The following CLVS1 variants were observed in gnomAD, a reference collection of about 807,000 sequenced individuals.
CLVS1 encodes clavesin 1.
A neutral mutation model predicts 33.1 loss-of-function variants in CLVS1; 10 were observed. That is an observed-to-expected ratio of 0.30 (90% CI 0.19 to 0.51). The LOEUF is 0.51. Among genes scored for constraint, CLVS1 ranks in the 20% least tolerant of loss-of-function variants. The pLI, the probability that CLVS1 is intolerant of heterozygous loss-of-function variation, is 0.97. For synonymous variants in CLVS1, 163 were observed against 166.1 expected (o/e 0.98, Z 0.14); for missense variants, 343 against 433.4 (o/e 0.79, Z 1.85).
intron 3 of CLVS1, among the ~76,000 whole-genome samples, chr8:61,448,864 T>C (rs1036794897): frequency 2.6e-5 from 4 of 152,248 alleles, no homozygotes; most frequent in Non-Finnish European, 5.9e-5. Flanking sequence ...TTAAAATCTT[T>C]GTCAGATAAT....
At chr8:60,978,742 G>A in the CLVS1 span, among the ~76,000 whole-genome samples, 3 of 145,698 alleles carry the variant, frequency 2.1e-5, no homozygotes, top group Admixed American at 2.1e-4. Context: ...TTGAACACGG[G>A]AGGTGGAGGT....
intron 1 of CLVS1, among the ~76,000 whole-genome samples, chr8:61,104,220 C>T (rs928396523): frequency 6.6e-6 from 1 of 152,126 alleles, no homozygotes. Flanking sequence ...GAATGAAAAC[C>T]TGAGCTACAG....
chr8:61,349,221 G>A (rs1812349529), intron 2 of CLVS1, among the ~76,000 whole-genome samples: 1 of 150,642 alleles, frequency 6.6e-6, no homozygotes. Context: ...TTTAGTTTGA[G>A]ATAATAGCAC....
intron 2 of CLVS1, among the ~76,000 whole-genome samples, chr8:61,236,477 A>C (rs558466107): frequency 6.6e-6 from 1 of 152,174 alleles, no homozygotes; most frequent in Non-Finnish European, 1.5e-5. Flanking sequence ...GACATTTCTG[A>C]GACAGTCTGT....
intron 2 of CLVS1, among the ~76,000 whole-genome samples, chr8:61,221,108 A>G (rs2129309672): frequency 6.6e-6 from 1 of 152,354 alleles, no homozygotes; most frequent in Middle Eastern, 3.4e-3. Context: ...TTTTCTAAAT[A>G]TAAAATCATG....
chr8:61,447,872 G>A (rs1816813723), intron 3 of CLVS1, among the ~76,000 whole-genome samples: 1 of 151,992 alleles, frequency 6.6e-6, no homozygotes, highest in Admixed American at 6.6e-5. Flanking sequence ...TTTCCTTTCT[G>A]TTTGTGGAAA....
chr8:61,056,907 G>A (rs575161266), upstream of CLVS1, among the ~76,000 whole-genome samples: 10 of 152,220 alleles, frequency 6.6e-5, no homozygotes, highest in Non-Finnish European at 1.3e-4. Context: ...GCTTTGCTCC[G>A]CTCAAGGAAA....
chr8:60,998,344 T>C, the CLVS1 span, among the ~76,000 whole-genome samples: 1 of 152,190 alleles, frequency 6.6e-6, no homozygotes, highest in African/African-American at 2.4e-5. Flanking sequence ...CTCAGCCTTA[T>C]TCAGTGAACT....
chr8:61,306,324 A>G (rs889311928), intron 2 of CLVS1, among the ~76,000 whole-genome samples: 1 of 152,180 alleles, frequency 6.6e-6, no homozygotes, highest in African/African-American at 2.4e-5. Context: ...TGTTGGCCAC[A>G]TAAATGTCTT....
At chr8:61,260,746 C>T (rs140478001) in intron 2 of CLVS1, among the ~76,000 whole-genome samples, 251 of 152,290 alleles carry the variant, frequency 1.6e-3, no homozygotes, top group Admixed American at 3.3e-3. Flanking sequence ...GTCTTTTGTC[C>T]GGTTTCCATT....
intron 3 of CLVS1, among the ~76,000 whole-genome samples, chr8:61,402,734 A>C (rs1650829598): frequency 6.6e-6 from 1 of 152,220 alleles, no homozygotes; most frequent in African/African-American, 2.4e-5. Context: ...TTTGTAGTCT[A>C]CTAAGGGAGT....
chr8:60,985,661 G>GT, the CLVS1 span, among the ~76,000 whole-genome samples: 10 of 152,286 alleles, frequency 6.6e-5, no homozygotes, highest in Non-Finnish European at 1.3e-4. Context: ...ATGAAATAAT[G>GT]TTTTGGGGCA....
intron 5 of CLVS1, among the ~76,000 whole-genome samples, chr8:61,459,661 A>G (rs181233714): frequency 3.3e-5 from 5 of 152,120 alleles, no homozygotes; most frequent in African/African-American, 1.2e-4. Flanking sequence ...TCTCAATCCC[A>G]TTTCCTCCCA....
At chr8:61,032,136 A>C in the CLVS1 span, among the ~76,000 whole-genome samples, 1 of 152,188 alleles carries the variant, frequency 6.6e-6, no homozygotes, top group East Asian at 1.9e-4. Context: ...GGGCCTGGGA[A>C]GTGTAGCAGC....
intron 2 of CLVS1, among the ~76,000 whole-genome samples, chr8:61,238,733 G>T (rs77761737): frequency 6.6e-6 from 1 of 152,022 alleles, no homozygotes; most frequent in South Asian, 2.1e-4. Context: ...GCAATTTTTC[G>T]TGCTATTAAA....
intron 2 of CLVS1, among the ~76,000 whole-genome samples, chr8:61,315,575 C>A (rs575168754): frequency 7.9e-5 from 12 of 152,260 alleles, no homozygotes; most frequent in African/African-American, 2.9e-4. Flanking sequence ...CAGATACTCA[C>A]AGATAGGGAC....
chr8:61,136,292 T>C (rs1426086123), intron 2 of CLVS1, among the ~76,000 whole-genome samples: 1 of 152,212 alleles, frequency 6.6e-6, no homozygotes, highest in African/African-American at 2.4e-5. Context: ...ACTGACACAC[T>C]GAAATTCTTA....
At chr8:61,234,602 G>A (rs555619650) in intron 2 of CLVS1, among the ~76,000 whole-genome samples, 1 of 152,142 alleles carries the variant, frequency 6.6e-6, no homozygotes, top group Non-Finnish European at 1.5e-5. Context: ...CCTAGGAGAT[G>A]AGGGAATTGG....
intron 3 of CLVS1, among the ~76,000 whole-genome samples, chr8:61,442,107 C>A (rs1816574078): frequency 6.6e-6 from 1 of 152,172 alleles, no homozygotes; most frequent in Admixed American, 6.5e-5. Flanking sequence ...CAGCCCCTGG[C>A]AATCACTAAT....
Sources: allele counts gnomAD v4.1 joint callset (sites outside exome capture counted in the v4.1 genomes callset), GRCh38; gene constraint gnomAD v4.1.1; transcripts MANE v1.5; gene names NCBI Gene and HGNC (gene_info 2026-07-23, HGNC 2026-07-21).